Variants in GTPBP1 observed in about 807,000 individuals in gnomAD.
GTPBP1 encodes GTP binding protein 1.
In GTPBP1, 23 loss-of-function variants were observed where a neutral mutation model predicts 62.0. The ratio of observed to expected loss-of-function variants is 0.37; its 90% CI spans 0.27 to 0.53. The LOEUF (loss-of-function observed/expected upper bound fraction) is 0.53, where lower values mean the gene tolerates loss of function less well. Among genes scored for constraint, GTPBP1 ranks in the 20% least tolerant of loss-of-function variants. GTPBP1 has a pLI of 0.89. For missense variants in GTPBP1, 640 were observed against 917.3 expected (o/e 0.70, Z 3.90); for synonymous variants, 344 against 364.4 (o/e 0.94, Z 0.64).
chr22:38,714,478 C>CAAAAAAAAAAAA (rs34257833), intron 2 of GTPBP1, among the ~76,000 whole-genome samples: 2 of 46,346 alleles, frequency 4.3e-5, no homozygotes, highest in African/African-American at 1.5e-4. Flanking sequence ...GACTCCATCT[C>CAAAAAAAAAAAA]AAAAAAAAAA....
chr22:38,740,720 G>A, downstream of GTPBP1: 1 of 584,852 alleles, frequency 1.7e-6, no homozygotes, highest in Non-Finnish European at 3.0e-6. This position sits in a 1 kb window ranked among gnomAD's most constrained non-coding sequence, Gnocchi z 4.8. Context: ...TGGGGCATGA[G>A]AAGGCAGTTA....
In GTPBP1 at chr22:38,722,684, C is replaced by T. The variant is rs948694225; in HGVS notation, c.958+819C>T. 21 of 1,575,674 alleles carry T rather than the reference C, an allele frequency of 1.3e-5. No individual in the cohort carries two copies. In the South Asian group the frequency reaches 2.4e-4, roughly 18 times the overall value. On this transcript the variant is annotated intron_variant, in intron 5 of 11. Coordinates refer to ENST00000216044, the MANE Select transcript of GTPBP1 (RefSeq NM_004286.5). ...ATAATCATCTATAAAATGATAAAAG[C>T]AGGCTTCAACTGTGTTTCTTCTCTG... is the stretch of plus-strand genomic sequence containing the variant.
At chr22:38,719,792 A>T (rs1439242407) in intron 4 of GTPBP1, among the ~76,000 whole-genome samples, 1 of 152,026 alleles carries the variant, frequency 6.6e-6, no homozygotes, top group Non-Finnish European at 1.5e-5. Flanking sequence ...GAAAATGAAG[A>T]ATAGTTACCT....
chr22:38,730,588 T>C lies in GTPBP1; in HGVS notation c.1918-24T>C. Reference sequence around the variant, plus strand: ...CCTGCTCCTGATGGGCCAGTGCTTCTCAAGCTCCTTCTCTCTCTTTCAGCC... The same window carrying C: ...CCTGCTCCTGATGGGCCAGTGCTTCCCAAGCTCCTTCTCTCTCTTTCAGCC... On this transcript the variant is annotated intron_variant, in intron 11 of 11. Transcript: ENST00000216044. The surrounding 1 kb of genome is among the most constrained non-coding windows in gnomAD (Gnocchi z 5.6). 1 of 1,529,288 alleles carries C rather than the reference T, an allele frequency of 6.5e-7. No homozygotes were observed. The highest frequency in any genetic ancestry group is 9.0e-7 in the Non-Finnish European group (1 of 1,111,024). 94.7% of individuals were successfully genotyped at this position (1,529,288 alleles called of 1,614,324 possible). A position where few individuals can be genotyped will look rare whatever the true frequency, so the allele number is the denominator to read the frequency against.
At chr22:38,717,576 A>G (rs1231620137) in intron 4 of GTPBP1, among the ~76,000 whole-genome samples, 2 of 152,244 alleles carry the variant, frequency 1.3e-5, no homozygotes, top group African/African-American at 2.4e-5. Context: ...GAGGCTCCCA[A>G]AAAGCTTAGG....
At chr22:38,739,966 C>CAGGG, downstream of GTPBP1, 11 of 1,603,796 alleles carry the variant, frequency 6.9e-6, no homozygotes, top group Non-Finnish European at 9.3e-6. The surrounding 1 kb of genome is among the most constrained non-coding windows in gnomAD (Gnocchi z 6.7). Context: ...AAAGGGGTGT[C>CAGGG]ACCCTGGGGG....
At chr22:38,734,183 C>T (rs959824656), downstream of GTPBP1, 38 of 346,950 alleles carry the variant, frequency 1.1e-4, 1 homozygote, top group South Asian at 3.5e-4. Context: ...CCAGGTGCCA[C>T]GGTCAGTATG....
chr22:38,707,480 A>G (rs951587210), intron 1 of GTPBP1, among the ~76,000 whole-genome samples: 12 of 152,228 alleles, frequency 7.9e-5, no homozygotes, highest in African/African-American at 1.4e-4. Flanking sequence ...GTAAGGCCAT[A>G]ATGAGGATGG....
At chr22:38,739,814 C>A (rs758708361), downstream of GTPBP1, 1 of 1,613,678 alleles carries the variant, frequency 6.2e-7, no homozygotes, top group Non-Finnish European at 8.5e-7. This position sits in a 1 kb window ranked among gnomAD's most constrained non-coding sequence, Gnocchi z 6.7. Flanking sequence ...ATCTCTGCCA[C>A]ATGGGTGAGG....
rs2092766228 is a variant in GTPBP1, at chr22:38,732,509, T to C, written c.*1805T>C. On this transcript the variant is annotated 3_prime_UTR_variant, in exon 12 of 12. Transcript: ENST00000216044. ...CATCACCTTGTGTGGATTCAGAGAA[T>C]GTGAGGCCCTGGGGTGTCCTACACA... 2 of 152,236 alleles carry C rather than the reference T, an allele frequency of 1.3e-5. No homozygotes were observed. The highest frequency in any genetic ancestry group is 6.5e-5 in the Admixed American group (1 of 15,288). 9.4% of individuals were successfully genotyped at this position (152,236 alleles called of 1,614,324 possible).
At chr22:38,739,564 C>T (rs971564594), downstream of GTPBP1, 2 of 1,281,538 alleles carry the variant, frequency 1.6e-6, no homozygotes, top group African/African-American at 2.9e-5. This position sits in a 1 kb window ranked among gnomAD's most constrained non-coding sequence, Gnocchi z 6.7. Flanking sequence ...GATGTGGGCA[C>T]ACTGCCACCC....
Position 38,730,521 on chromosome 22 carries a change from C to G in GTPBP1, c.1918-91C>G. The G allele has an allele frequency of 1.1e-6, 1 of 885,260 alleles. No individual in the cohort carries two copies. Among genetic ancestry groups the G allele is most frequent in the Non-Finnish European group, 1.9e-6 (1 of 539,124 alleles). The allele number at this position is 885,260 out of a possible 1,614,324, so 54.8% of individuals were successfully genotyped here. The stretch of plus-strand genomic sequence containing the variant: ...ACCACGCAGCCTGCTCACGCATCTT[C>G]CGTCCCTGTCTCCCCGCTGCTCAGC... On this transcript the variant is annotated intron_variant, in intron 11 of 11. Coordinates refer to ENST00000216044, the MANE Select transcript of GTPBP1 (RefSeq NM_004286.5). This position sits in a 1 kb window ranked among gnomAD's most constrained non-coding sequence, Gnocchi z 5.6.
At chr22:38,729,893 A>G (rs2092747775) in intron 11 of GTPBP1, among the ~76,000 whole-genome samples, 1 of 152,222 alleles carries the variant, frequency 6.6e-6, no homozygotes, top group Non-Finnish European at 1.5e-5. Flanking sequence ...GGCCCTAACT[A>G]GCATTTGGTT....
intron 2 of GTPBP1, among the ~76,000 whole-genome samples, chr22:38,710,132 G>C (rs561249782): frequency 6.6e-6 from 1 of 152,330 alleles, no homozygotes; most frequent in East Asian, 1.9e-4. Context: ...CATCATTAAA[G>C]AAACACTTTT....
intron 2 of GTPBP1, among the ~76,000 whole-genome samples, chr22:38,713,436 TGTG>T (rs2092651461): frequency 1.3e-5 from 2 of 152,188 alleles, no homozygotes; most frequent in South Asian, 4.1e-4. Flanking sequence ...AAGAGTCTGT[TGTG>T]GTGGTTCAGG....
downstream of GTPBP1, chr22:38,740,453 G>T: frequency 6.8e-7 from 1 of 1,461,216 alleles, no homozygotes; most frequent in Non-Finnish European, 9.1e-7. This position sits in a 1 kb window ranked among gnomAD's most constrained non-coding sequence, Gnocchi z 4.8. Context: ...AGAGAGAAGA[G>T]TAAGCCTCGG....
At position 38,729,394 on chromosome 22, in the gene GTPBP1, G is replaced by C. The variant is rs917359004; in HGVS notation, c.1717-68G>C. The C allele has an allele frequency of 3.4e-6, 4 of 1,166,038 alleles. No homozygotes were observed. The South Asian group carries it at 4.6e-5, about 13-fold the overall frequency. 72.2% of individuals were successfully genotyped at this position (1,166,038 alleles called of 1,614,324 possible). A position where few individuals can be genotyped will look rare whatever the true frequency, so the allele number is the denominator to read the frequency against. On this transcript the variant is annotated intron_variant, in intron 10 of 11. Transcript: ENST00000216044. Reference sequence around the variant, plus strand: ...TCTGTGGGAGAAGGGGGCTGAGGGTGGGGGGTAGCCAAGCCAGTGCCACTG... The same window carrying C: ...TCTGTGGGAGAAGGGGGCTGAGGGTCGGGGGTAGCCAAGCCAGTGCCACTG...
intron 2 of GTPBP1, among the ~76,000 whole-genome samples, chr22:38,714,750 G>C (rs753538099): frequency 1.1e-4 from 16 of 152,134 alleles, no homozygotes; most frequent in Admixed American, 5.2e-4. Flanking sequence ...TATTTGGTGC[G>C]GGGGAAGAGA....
intron 1 of GTPBP1, among the ~76,000 whole-genome samples, chr22:38,707,623 G>C (rs561058006): frequency 6.6e-6 from 1 of 152,330 alleles, no homozygotes. Context: ...AAACAAACTG[G>C]ATGTCAACAC....
Sources: gnomAD v4.1 joint callset for allele counts (sites outside exome capture counted in the v4.1 genomes callset) on GRCh38, gnomAD v4.1.1 for gene constraint, Gnocchi (gnomAD v3.1) non-coding constraint, MANE v1.5 for transcripts, NCBI Gene and HGNC (gene_info 2026-07-23, HGNC 2026-07-21) for gene names.